Variants in C12orf56 observed in about 807,000 individuals in gnomAD.
C12orf56 encodes the protein chromosome 12 open reading frame 56, also known as uncharacterized protein C12orf56.
In C12orf56, 71 loss-of-function variants were observed where a neutral mutation model predicts 69.9. That is an observed-to-expected ratio of 1.02 (90% confidence interval 0.84 to 1.24). The LOEUF is 1.24. Among genes scored for constraint, C12orf56 ranks in the 50% most tolerant of loss-of-function variants. The probability of loss-of-function intolerance (pLI) is 0.00; values close to 1 mark genes in which losing one functional copy is unlikely to be tolerated. For missense variants in C12orf56, 732 were observed against 738.5 expected, an observed-to-expected ratio of 0.99 and a Z score of 0.10; for synonymous variants, 276 against 274.1, an observed-to-expected ratio of 1.01 and a Z score of -0.07.
chr12:64,365,669 G>A (rs2039458105), intron 1 of C12orf56, among the ~76,000 whole-genome samples: 1 of 144,570 alleles, frequency 6.9e-6, no homozygotes, highest in African/African-American at 2.5e-5. Context: ...GGAGGCTCAG[G>A]TATATATAAT....
chr12:64,349,262 GA>G (rs1338348004), intron 2 of C12orf56, among the ~76,000 whole-genome samples: 1 of 152,054 alleles, frequency 6.6e-6, no homozygotes, highest in Non-Finnish European at 1.5e-5. Flanking sequence ...ACAAACATAT[GA>G]AAAAATGCTC....
In C12orf56 at chr12:64,390,668, C is replaced by T. The variant is rs1045586174; in HGVS notation, c.-103G>A. The T allele has an allele frequency of 8.8e-6, 12 of 1,359,426 alleles. No homozygotes were observed. The East Asian group carries it at 1.2e-4, about 14-fold the overall frequency. The allele number at this position is 1,359,426 out of a possible 1,614,324, so 84.2% of individuals were successfully genotyped here. On this transcript the variant is annotated 5_prime_UTR_variant, in exon 1 of 13. In the 5' UTR this introduces an upstream ATG that the reference lacks. Coordinates refer to ENST00000543942, the MANE Select transcript of C12orf56 (RefSeq NM_001170633.2). ...CCGCGCGCCACAAAGCCGCCGGCCACGCGTCGCCTCCTCTCCAGGCGCGGG... is the reference window on the plus strand; with the variant it reads ...CCGCGCGCCACAAAGCCGCCGGCCATGCGTCGCCTCCTCTCCAGGCGCGGG...
At chr12:64,296,220 T>C (rs1007416788) in intron 6 of C12orf56, among the ~76,000 whole-genome samples, 1 of 152,102 alleles carries the variant, frequency 6.6e-6, no homozygotes, top group South Asian at 2.1e-4. Context: ...AAAGCCTAGA[T>C]TGCAATAATT....
chr12:64,388,492 G>A (rs1389274859), intron 1 of C12orf56, among the ~76,000 whole-genome samples: 3 of 149,178 alleles, frequency 2.0e-5, no homozygotes, highest in South Asian at 4.3e-4. Context: ...ATTCCCCTGC[G>A]TTGGCCTCCC....
At chr12:64,280,899 C>T (rs1399929375) in intron 8 of C12orf56, among the ~76,000 whole-genome samples, 1 of 152,184 alleles carries the variant, frequency 6.6e-6, no homozygotes. Flanking sequence ...ATTTCTGATC[C>T]ACTGACACTG....
chr12:64,384,637 A>G (rs954109263), intron 1 of C12orf56, among the ~76,000 whole-genome samples: 4 of 152,178 alleles, frequency 2.6e-5, no homozygotes, highest in Non-Finnish European at 5.9e-5. Context: ...AAGGACTAGG[A>G]GAAAGAGAGG....
In C12orf56 at chr12:64,390,612, G is replaced by T; in HGVS notation, c.-47C>A. On this transcript the variant is annotated 5_prime_UTR_variant, in exon 1 of 13. In the 5' UTR this introduces an upstream ATG that the reference lacks. Transcript: ENST00000543942. ...GGAGTGCTGGGACTCGAGGCCCTCAGCTCGCCCTCTCCCCGCCCCCGCGCT... is the reference window on the plus strand; with the variant it reads ...GGAGTGCTGGGACTCGAGGCCCTCATCTCGCCCTCTCCCCGCCCCCGCGCT... 7.0e-7 allele frequency: 1 copy of T among 1,426,264 alleles called. No homozygotes were observed. The allele number at this position is 1,426,264 out of a possible 1,614,324, so 88.4% of individuals were successfully genotyped here. A position where few individuals can be genotyped will look rare whatever the true frequency, so the allele number is the denominator to read the frequency against.
At chr12:64,327,513 T>G (rs1744188602) in intron 3 of C12orf56, among the ~76,000 whole-genome samples, 1 of 152,224 alleles carries the variant, frequency 6.6e-6, no homozygotes, top group African/African-American at 2.4e-5. Flanking sequence ...TGTTTCTTAG[T>G]TGCCACAATA....
chr12:64,313,186 C>CGGGGGGCGGAGCTT (rs2038642830), intron 4 of C12orf56, among the ~76,000 whole-genome samples: 1 of 147,556 alleles, frequency 6.8e-6, no homozygotes, highest in Non-Finnish European at 1.5e-5. Context: ...GGCATGAACC[C>CGGGGGGCGGAGCTT]GGGGGGCGGA....
chr12:64,375,682 C>T (rs1255421603), intron 1 of C12orf56, among the ~76,000 whole-genome samples: 1 of 152,164 alleles, frequency 6.6e-6, no homozygotes, highest in African/African-American at 2.4e-5. Flanking sequence ...AACTCAACAT[C>T]AACCATTCTA....
intron 1 of C12orf56, among the ~76,000 whole-genome samples, chr12:64,357,484 G>C (rs1171637244): frequency 6.6e-6 from 1 of 151,314 alleles, no homozygotes; most frequent in Non-Finnish European, 1.5e-5. Flanking sequence ...ACAATCTCAG[G>C]TCACTGCAAC....
Position 64,318,844 on chromosome 12 carries a change from G to C in C12orf56, c.625C>G (p.Pro209Ala), listed in dbSNP as rs1470694030. 5.2e-6 allele frequency: 8 copies of C among 1,537,110 alleles called. No homozygotes were observed. The East Asian group carries it at 1.7e-4, about 33-fold the overall frequency. ...TCGCTGACAGCCTTGCCAGTTGTTGGTGCAGACTGAGAGCTCCTCCTGGAG... is the reference window on the plus strand; with the variant it reads ...TCGCTGACAGCCTTGCCAGTTGTTGCTGCAGACTGAGAGCTCCTCCTGGAG... ...SPSRRSSQSA[P>A]TTGKAVSEPS... is the part of the protein sequence containing the mutation. Residue 209 changes from proline (P) to alanine (A), a missense_variant, in exon 4 of 13, where the codon CCA becomes GCA. Transcript: ENST00000543942.
intron 5 of C12orf56, among the ~76,000 whole-genome samples, chr12:64,309,707 C>T (rs578133008): frequency 4.6e-5 from 7 of 152,226 alleles, no homozygotes; most frequent in South Asian, 4.1e-4. Context: ...GACAGGGTTT[C>T]GCCCTATTGG....
intron 5 of C12orf56, among the ~76,000 whole-genome samples, chr12:64,308,924 G>GAAAC (rs796854917): frequency 2.2e-5 from 1 of 45,924 alleles, no homozygotes; most frequent in African/African-American, 8.4e-5. Context: ...AAGAAAGAAA[G>GAAAC]AAAGAAAGAA....
intron 1 of C12orf56, among the ~76,000 whole-genome samples, chr12:64,378,158 C>T (rs2039665881): frequency 6.6e-6 from 1 of 152,214 alleles, no homozygotes; most frequent in African/African-American, 2.4e-5. Flanking sequence ...GTACTGCTCA[C>T]AAATATTACT....
rs1396092076 is a variant in C12orf56 at position 64,318,757 on chromosome 12, C to T, written c.712G>A (p.Glu238Lys). 6.6e-7 allele frequency: 1 copy of T among 1,505,884 alleles called. No individual in the cohort carries two copies. Among genetic ancestry groups the T allele is most frequent in the Non-Finnish European group, 8.8e-7 (1 of 1,136,380 alleles). 93.3% of individuals were successfully genotyped at this position (1,505,884 alleles called of 1,614,324 possible). A position where few individuals can be genotyped will look rare whatever the true frequency, so the allele number is the denominator to read the frequency against. ...TTCCCATTGCACTTGAAAGGAATTTCACTTATGGAGTTGTGATCTGGAAGT... is the reference window on the plus strand; with the variant it reads ...TTCCCATTGCACTTGAAAGGAATTTTACTTATGGAGTTGTGATCTGGAAGT... Reference protein sequence around the residue: ...QGLPDHNSISEIPFKCNGNGN... With the variant: ...QGLPDHNSISKIPFKCNGNGN... The change falls in exon 4 of 13, where the codon GAA (glutamate) becomes AAA (lysine). Residue 238 changes from glutamate to lysine, a missense_variant. Physicochemically the swap from Glu to Lys is moderately conservative, Grantham distance 56. Transcript: ENST00000543942.
Position 64,284,370 on chromosome 12 carries a change from G to A in C12orf56, c.1310+294C>T, listed in dbSNP as rs1193874699. ...TGGGAAATTCTGGCGGAGATCCCCC[G>A]GCTTTTAATGTATGATGGGTCATTT... On this transcript the variant is annotated intron_variant, in intron 8 of 12. Coordinates refer to ENST00000543942, the MANE Select transcript of C12orf56 (RefSeq NM_001170633.2). 9.2e-5 allele frequency among the ~76,000 whole-genome samples: 14 copies of A among 152,172 alleles called. No homozygotes were observed. The East Asian group carries it at 2.5e-3, about 27-fold the overall frequency.
At chr12:64,309,495 TTTTGTTTG>T (rs139454399) in intron 5 of C12orf56, among the ~76,000 whole-genome samples, 62,415 of 151,230 alleles carry the variant, frequency 0.41, 12,933 homozygotes, top group African/African-American at 0.43. Flanking sequence ...CACACTGTTT[TTTTGTTTG>T]TTTGTTTGTT....
intron 2 of C12orf56, among the ~76,000 whole-genome samples, chr12:64,332,930 T>C (rs1372069390): frequency 6.6e-6 from 1 of 152,198 alleles, no homozygotes; most frequent in Non-Finnish European, 1.5e-5. Flanking sequence ...TTCCAACAAA[T>C]TCCCCTTGAC....
Sources: allele counts gnomAD v4.1 joint callset (sites outside exome capture counted in the v4.1 genomes callset), GRCh38; gene constraint gnomAD v4.1.1; transcripts MANE v1.5; gene names NCBI Gene and HGNC (gene_info 2026-07-23, HGNC 2026-07-21).